Variants in NDFIP2 observed in about 807,000 individuals in gnomAD.
The protein encoded by NDFIP2 is Nedd4 family interacting protein 2.
Under a neutral mutation model 36.0 loss-of-function variants are expected in NDFIP2, and 19 were observed. That is an observed-to-expected ratio of 0.53 (90% CI 0.37 to 0.77). The LOEUF (loss-of-function observed/expected upper bound fraction) is 0.77, where lower values mean the gene tolerates loss of function less well. Ranked by LOEUF, NDFIP2 falls within the 30% of genes least tolerant of loss-of-function variation. The pLI is 0.00. For synonymous variants in NDFIP2, 181 were observed against 167.7 expected (o/e 1.08, Z -0.61); for missense variants, 446 against 435.8 (o/e 1.02, Z -0.21).
chr13:79,533,506 T>A (rs1401424073), intron 3 of NDFIP2, 50 bp downstream of exon 3: 1 of 1,495,518 alleles, frequency 6.7e-7, no homozygotes, highest in South Asian at 1.3e-5. Flanking sequence ...CGTTAATTGA[T>A]ATATACATTT....
intron 1 of NDFIP2, among the ~76,000 whole-genome samples, chr13:79,512,622 A>G (rs1240960874): frequency 6.6e-6 from 1 of 152,190 alleles, no homozygotes; most frequent in African/African-American, 2.4e-5. Flanking sequence ...ACATTTGACC[A>G]TTTGTGGAAA....
At chr13:79,511,669 T>C (rs1363303337) in intron 1 of NDFIP2, among the ~76,000 whole-genome samples, 1 of 152,188 alleles carries the variant, frequency 6.6e-6, no homozygotes, top group Non-Finnish European at 1.5e-5. Context: ...CTAGGAGGCC[T>C]AGAGGACAGT....
At chr13:79,491,195 T>A (rs777947972) in intron 1 of NDFIP2, among the ~76,000 whole-genome samples, 17 of 152,218 alleles carry the variant, frequency 1.1e-4, no homozygotes, top group Non-Finnish European at 2.1e-4. Flanking sequence ...TATATATCTT[T>A]CCATACCTGC....
intron 5 of NDFIP2, among the ~76,000 whole-genome samples, chr13:79,543,944 A>G (rs1283823906): frequency 1.3e-5 from 2 of 150,100 alleles, no homozygotes; most frequent in Non-Finnish European, 3.0e-5. Flanking sequence ...TATATGTCTT[A>G]ACTTTATTTA....
At position 79,488,363 on chromosome 13, in the gene NDFIP2, C is replaced by T. The variant is rs535193740; in HGVS notation, c.321+6839C>T. Among the ~76,000 whole-genome samples the T allele has an allele frequency of 5.9e-5, 9 of 151,918 alleles. No individual in the cohort carries two copies. The East Asian group carries it at 7.7e-4, about 13-fold the overall frequency. ...CATGTCTTGATATTAACTGTAAATA[C>T]GTTATTTGGTTGAGTTTAGCTCATT... On this transcript the variant is annotated intron_variant, in intron 1 of 7. Coordinates refer to ENST00000218652, the MANE Select transcript of NDFIP2 (RefSeq NM_019080.3).
At chr13:79,526,570 C>T (rs1385925104) in intron 2 of NDFIP2, among the ~76,000 whole-genome samples, 1 of 152,106 alleles carries the variant, frequency 6.6e-6, no homozygotes, top group East Asian at 1.9e-4. Flanking sequence ...TTATGAGAAA[C>T]ACTAGGATAG....
chr13:79,501,821 G>T (rs1294065351), intron 1 of NDFIP2, among the ~76,000 whole-genome samples: 1 of 152,068 alleles, frequency 6.6e-6, no homozygotes, highest in East Asian at 1.9e-4. Flanking sequence ...TGAGTTTGTT[G>T]AGGGAAGAAT....
chr13:79,533,505 A>G (rs1333789389), intron 3 of NDFIP2, 49 bp downstream of exon 3: 1 of 1,505,044 alleles, frequency 6.6e-7, no homozygotes, highest in Admixed American at 2.2e-5. Context: ...TCGTTAATTG[A>G]TATATACATT....
chr13:79,500,693 C>T (rs1366055587), intron 1 of NDFIP2, among the ~76,000 whole-genome samples: 1 of 152,028 alleles, frequency 6.6e-6, no homozygotes, highest in Non-Finnish European at 1.5e-5. Context: ...GGAACAAGAA[C>T]TCTCATTCAT....
intron 2 of NDFIP2, 86 bp downstream of exon 2, chr13:79,521,061 C>A: frequency 1.8e-6 from 2 of 1,138,314 alleles, no homozygotes; most frequent in Non-Finnish European, 1.2e-6. Context: ...TGTTAATGGG[C>A]TTATAAACAT....
Position 79,553,154 on chromosome 13 carries a change from A to G in NDFIP2, c.*641A>G, listed in dbSNP as rs1875969211. ...AAATTGTGTCCAGATAGCTTTCACT[A>G]ATTTTAAATTAAGTGAACTAAATAT... On this transcript the variant is annotated 3_prime_UTR_variant, in exon 8 of 8. Transcript: ENST00000218652. The G allele has an allele frequency of 6.6e-6, 1 of 151,546 alleles. No individual in the cohort carries two copies. The highest frequency in any genetic ancestry group is 1.5e-5 in the Non-Finnish European group (1 of 67,430). The allele number at this position is 151,546 out of a possible 1,614,324, so 9.4% of individuals were successfully genotyped here.
intron 1 of NDFIP2, among the ~76,000 whole-genome samples, chr13:79,501,580 G>A (rs1295254941): frequency 1.3e-5 from 2 of 152,094 alleles, no homozygotes; most frequent in Non-Finnish European, 2.9e-5. Flanking sequence ...GTATATATGT[G>A]TTCGTCTTCG....
intron 1 of NDFIP2, among the ~76,000 whole-genome samples, chr13:79,505,643 C>A (rs1426517417): frequency 3.4e-5 from 5 of 148,358 alleles, no homozygotes; most frequent in Admixed American, 6.7e-5. Flanking sequence ...AAAAAAAAAA[C>A]CCAAAAACCA....
In NDFIP2 at chr13:79,555,112, G is replaced by C. The variant is rs944735169; in HGVS notation, c.*2599G>C. The C allele has an allele frequency of 1.3e-5, 2 of 151,254 alleles. No individual in the cohort carries two copies. Among genetic ancestry groups the C allele is most frequent in the Admixed American group, 6.6e-5 (1 of 15,118 alleles). 9.4% of individuals were successfully genotyped at this position (151,254 alleles called of 1,614,324 possible). The stretch of plus-strand genomic sequence containing the variant: ...ATTTCATTTTAGACATGCCTTCTAA[G>C]TTGTTCACAGATTTTTACCTGCTAA... On this transcript the variant is annotated 3_prime_UTR_variant, in exon 8 of 8. Coordinates refer to ENST00000218652, the MANE Select transcript of NDFIP2 (RefSeq NM_019080.3).
intron 1 of NDFIP2, among the ~76,000 whole-genome samples, chr13:79,488,471 C>T (rs1382393718): frequency 6.6e-6 from 1 of 152,032 alleles, no homozygotes; most frequent in African/African-American, 2.4e-5. Context: ...TTGAGCAGTA[C>T]ATGATCTAAT....
intron 6 of NDFIP2, among the ~76,000 whole-genome samples, chr13:79,549,294 T>C (rs748113939): frequency 2.0e-5 from 3 of 152,004 alleles, no homozygotes; most frequent in Non-Finnish European, 2.9e-5. Context: ...GCCAGTTTTA[T>C]ATTATGTGTT....
At chr13:79,542,001 A>G (rs1594859010) in intron 4 of NDFIP2, among the ~76,000 whole-genome samples, 1 of 152,214 alleles carries the variant, frequency 6.6e-6, no homozygotes, top group East Asian at 1.9e-4. Context: ...AAGTGTTACC[A>G]TAAAATGCCT....
chr13:79,537,312 T>C (rs1260986228), intron 3 of NDFIP2, among the ~76,000 whole-genome samples: 1 of 152,138 alleles, frequency 6.6e-6, no homozygotes, highest in African/African-American at 2.4e-5. Context: ...GGTTTCGCCA[T>C]GTTGGTCAGG....
rs539273821 is a variant in NDFIP2, at chr13:79,516,593, T to C, written c.322-4217T>C. ...TGGATCTGCCCTCTGATGCTAAATA[T>C]AGTAATAATATGATAGTATACATAT... On this transcript the variant is annotated intron_variant, in intron 1 of 7. Coordinates refer to ENST00000218652, the MANE Select transcript of NDFIP2 (RefSeq NM_019080.3). Among the ~76,000 whole-genome samples the C allele has an allele frequency of 2.0e-4, 31 of 152,356 alleles. 1 individual carries two copies. The South Asian group carries it at 6.0e-3, about 30-fold the overall frequency.
Sources: gnomAD v4.1 joint callset for allele counts (sites outside exome capture counted in the v4.1 genomes callset) on GRCh38, gnomAD v4.1.1 for gene constraint, MANE v1.5 for transcripts, NCBI Gene and HGNC (gene_info 2026-07-23, HGNC 2026-07-21) for gene names.